DOCK6: variants seen among roughly 807,000 people sequenced by gnomAD.
The protein encoded by DOCK6 is dedicator of cytokinesis 6.
A neutral mutation model predicts 230.3 loss-of-function variants in DOCK6; 167 were observed. That is an observed-to-expected ratio of 0.73 (90% confidence interval 0.64 to 0.82). DOCK6 has a LOEUF of 0.82. DOCK6 is among the 40% of genes least tolerant of loss of function. The pLI is 0.00. For missense variants in DOCK6, 2,598 were observed against 2,825.8 expected (o/e 0.92, Z 1.83); for synonymous variants, 1,148 against 1,185.0 (o/e 0.97, Z 0.64).
intron 37 of DOCK6, among the ~76,000 whole-genome samples, chr19:11,210,853 T>C (rs1022338088): frequency 1.3e-5 from 2 of 149,604 alleles, no homozygotes; most frequent in African/African-American, 5.0e-5. Context: ...GTCCATCCCT[T>C]CACCTGTCTC....
At position 11,202,089 on chromosome 19, in the gene DOCK6, C is replaced by T. The variant is rs2079179293; in HGVS notation, c.5488G>A (p.Asp1830Asn). 7.4e-6 allele frequency: 12 copies of T among 1,613,914 alleles called. No homozygotes were observed. Among genetic ancestry groups the T allele is most frequent in the Non-Finnish European group, 1.0e-5 (12 of 1,179,912 alleles). Reference protein sequence around the residue: ...IQITYVEPYFDTYELKDRVTY... With the variant: ...IQITYVEPYFNTYELKDRVTY... ...ACCCGGTCCTTGAGCTCGTAGGTAT[C>T]AAAGTACGGTTCCACATACGTGATC... Residue 1830 changes from aspartate to asparagine, a missense_variant, in exon 44 of 48, where the codon GAT becomes AAT. Transcript: ENST00000294618. The surrounding 1 kb of genome is among the most constrained non-coding windows in gnomAD (Gnocchi z 5.3).
intron 6 of DOCK6, among the ~76,000 whole-genome samples, chr19:11,249,304 A>T (rs1006238246): frequency 6.6e-6 from 1 of 151,082 alleles, no homozygotes; most frequent in Non-Finnish European, 1.5e-5. Context: ...CAAGGTCAGG[A>T]GTTTGAGACC....
chr19:11,239,569 G>C, intron 14 of DOCK6: 1 of 1,576,412 alleles, frequency 6.3e-7, no homozygotes, highest in Non-Finnish European at 8.6e-7. Context: ...ATTGACTGGG[G>C]ATCAGTGGGG....
At chr19:11,249,403 C>T (rs1599282223) in intron 6 of DOCK6, among the ~76,000 whole-genome samples, 1 of 151,622 alleles carries the variant, frequency 6.6e-6, no homozygotes, top group Non-Finnish European at 1.5e-5. Flanking sequence ...CCCAGCTACT[C>T]AGGAGGCTGA....
chr19:11,199,437 GCA>G lies in DOCK6; in HGVS notation c.*58_*59del. On this transcript the variant is annotated 3_prime_UTR_variant, in exon 48 of 48. Transcript: ENST00000294618. Reference sequence around the variant, plus strand: ...GGCACCAGGGCAGACTCCCCTCGCAGCACAGACAGCTGAGGCCCGGGTGCTGG... The same window carrying G: ...GGCACCAGGGCAGACTCCCCTCGCAGCAGACAGCTGAGGCCCGGGTGCTGG... 6 of 1,547,420 alleles carry G rather than the reference GCA, an allele frequency of 3.9e-6. No individual in the cohort carries two copies. In the South Asian group the frequency reaches 7.1e-5, roughly 18 times the overall value.
At position 11,232,735 on chromosome 19, in the gene DOCK6, C is replaced by T. The variant is rs1288823215; in HGVS notation, c.2718+468G>A. ...CATGGGGTGAACACGTATACGTGCC[C>T]ATGTACATATATGCATAGGGTGAAT... On this transcript the variant is annotated intron_variant, in intron 22 of 47. Transcript: ENST00000294618. Among the ~76,000 whole-genome samples, 5 of 142,162 alleles carry T rather than the reference C, an allele frequency of 3.5e-5. No individual in the cohort carries two copies. In the Admixed American group the frequency reaches 3.5e-4, roughly 10 times the overall value. 93.3% of individuals were successfully genotyped at this position (142,162 alleles called of 152,430 possible).
At position 11,240,384 on chromosome 19, in the gene DOCK6, G is replaced by C. The variant is rs186729337; in HGVS notation, c.1643+1661C>G. ...CACCTTGAGTCCCAAAGACCTCCCA[G>C]ATCAGCCTCCCAGCTCTGTGGCCTC... On this transcript the variant is annotated intron_variant, in intron 14 of 47. Transcript: ENST00000294618. 2.8e-4 allele frequency: 381 copies of C among 1,348,968 alleles called. 1 individual carries two copies. The African/African-American group carries it at 5.0e-3, about 18-fold the overall frequency. 83.6% of individuals were successfully genotyped at this position (1,348,968 alleles called of 1,614,324 possible). A position where few individuals can be genotyped will look rare whatever the true frequency, so the allele number is the denominator to read the frequency against.
At position 11,237,540 on chromosome 19, in the gene DOCK6, C is replaced by T; in HGVS notation, c.1989G>A (p.Gln663=). ...PVGFTWIPLL[Q]HGRLRTGPFC... ...AGGGGCCGGTCCTCAGGCGCCCGTGCTGCAGCAGTGGGATCCACTGGGGAG... is the reference window on the plus strand; with the variant it reads ...AGGGGCCGGTCCTCAGGCGCCCGTGTTGCAGCAGTGGGATCCACTGGGGAG... The change falls in exon 18 of 48, where the codon CAG becomes CAA. Residue 663 remains glutamine, a synonymous_variant. Coordinates refer to ENST00000294618, the MANE Select transcript of DOCK6 (RefSeq NM_020812.4). 2 of 1,607,482 alleles carry T rather than the reference C, an allele frequency of 1.2e-6. No individual in the cohort carries two copies.
At chr19:11,208,549 G>A in intron 39 of DOCK6, 137 bp downstream of exon 39, 1 of 1,273,814 alleles carries the variant, frequency 7.9e-7, no homozygotes, top group Non-Finnish European at 1.1e-6. Context: ...AAAGTGCTGG[G>A]GTTACAGGCG....
At position 11,236,455 on chromosome 19, in the gene DOCK6, A is replaced by C. The variant is rs1027263735; in HGVS notation, c.2283T>G (p.Leu761=). Residue 761 remains leucine, a synonymous_variant, in exon 20 of 48, where the codon CTT becomes CTG. Transcript: ENST00000294618. The surrounding 1 kb of genome is among the most constrained non-coding windows in gnomAD (Gnocchi z 5.2). ...GNVEQELRAS[L]AALRLASPEP... ...CGGGGCTGGCCAGGCGCAGTGCTGC[A>C]AGACTGGCCCGCAGCTCCTGCTCCA... 4 of 1,593,364 alleles carry C rather than the reference A, an allele frequency of 2.5e-6. No homozygotes were observed. The highest frequency in any genetic ancestry group is 3.4e-6 in the Non-Finnish European group (4 of 1,170,842).
At chr19:11,218,685 T>C (rs982704994) in intron 28 of DOCK6, among the ~76,000 whole-genome samples, 2 of 151,854 alleles carry the variant, frequency 1.3e-5, no homozygotes, top group Admixed American at 6.6e-5. Flanking sequence ...TGGACTCAAG[T>C]GATCCGCCCA....
intron 20 of DOCK6, 115 bp from the exon 21 acceptor site, chr19:11,235,874 C>G (rs3760782): frequency 1.4e-5 from 13 of 924,356 alleles, no homozygotes; most frequent in Admixed American, 3.4e-5. Context: ...TAAGGGGTCA[C>G]AAATTTTTTT....
At chr19:11,261,452 G>A (rs1251285347) in intron 1 of DOCK6, among the ~76,000 whole-genome samples, 1 of 151,886 alleles carries the variant, frequency 6.6e-6, no homozygotes, top group African/African-American at 2.4e-5. Context: ...ATCCCAAGAG[G>A]GGGATCTTTT....
At position 11,200,273 on chromosome 19, in the gene DOCK6, T is replaced by G; in HGVS notation, c.6101+35A>C. 6.5e-7 allele frequency: 1 copy of G among 1,543,834 alleles called. No individual in the cohort carries two copies. ...TCCTGGTCTGCCTCTGCATCCCCTC[T>G]CTAGTCTCTAGGATGGGGGCACTAG... On this transcript the variant is annotated intron_variant, in intron 47 of 47. Coordinates refer to ENST00000294618, the MANE Select transcript of DOCK6 (RefSeq NM_020812.4). The surrounding 1 kb of genome is among the most constrained non-coding windows in gnomAD (Gnocchi z 4.3).
chr19:11,205,214 G>A (rs192118274), intron 39 of DOCK6, among the ~76,000 whole-genome samples: 46 of 152,160 alleles, frequency 3.0e-4, no homozygotes, highest in Admixed American at 1.8e-3. Flanking sequence ...GTTTTTTTTC[G>A]TAATCTTTTT....
intron 22 of DOCK6, chr19:11,229,381 A>G (rs17001244): frequency 0.2 from 222,649 of 1,094,734 alleles, 27,434 homozygotes; most frequent in African/African-American, 0.56. Flanking sequence ...CTAGAGTTGC[A>G]GTCGATGGCC....
At chr19:11,213,057 C>A in intron 35 of DOCK6, 119 bp downstream of exon 35, 1 of 1,350,328 alleles carries the variant, frequency 7.4e-7, no homozygotes, top group African/African-American at 1.4e-5. Context: ...TCTGAGCCCT[C>A]CTCCTGCTCA....
intron 30 of DOCK6, among the ~76,000 whole-genome samples, chr19:11,216,466 G>A (rs1442818842): frequency 6.6e-6 from 1 of 151,064 alleles, no homozygotes; most frequent in South Asian, 2.1e-4. Context: ...GGTGTGCAGT[G>A]GCACAATCTC....
In DOCK6 at chr19:11,234,431, A is replaced by G. The variant is rs148670219; in HGVS notation, c.2555-1065T>C. Among the ~76,000 whole-genome samples the G allele has an allele frequency of 1.6e-3, 238 of 152,068 alleles. 1 individual carries two copies. Among genetic ancestry groups the G allele is most frequent in the African/African-American group, 5.6e-3 (233 of 41,494 alleles). On this transcript the variant is annotated intron_variant, in intron 21 of 47. Coordinates refer to ENST00000294618, the MANE Select transcript of DOCK6 (RefSeq NM_020812.4). ...TGACCCTGACTCTTAAAAAAAAGAAAAAAAAAAAGAAGAAAAAAGAAAAAA... is the reference window on the plus strand; with the variant it reads ...TGACCCTGACTCTTAAAAAAAAGAAGAAAAAAAAGAAGAAAAAAGAAAAAA...
Sources: gnomAD v4.1 joint callset for allele counts (sites outside exome capture counted in the v4.1 genomes callset) on GRCh38, gnomAD v4.1.1 for gene constraint, Gnocchi (gnomAD v3.1) non-coding constraint, MANE v1.5 for transcripts, NCBI Gene and HGNC (gene_info 2026-07-23, HGNC 2026-07-21) for gene names.